The following MAGI1 variants were observed in gnomAD, a reference collection of about 807,000 sequenced individuals.
MAGI1 encodes membrane associated guanylate kinase, WW and PDZ domain containing 1.
In MAGI1, 58 loss-of-function variants were observed where a neutral mutation model predicts 139.9. The observed-to-expected ratio is 0.41, with a 90% CI of 0.34 to 0.52. The LOEUF (loss-of-function observed/expected upper bound fraction) is 0.52. Among genes scored for constraint, MAGI1 ranks in the 20% least tolerant of loss-of-function variants. The probability of loss-of-function intolerance (pLI) is 0.12; values close to 1 mark genes in which losing one functional copy is unlikely to be tolerated. For missense variants in MAGI1, 1,874 were observed against 1,901.6 expected, an observed-to-expected ratio of 0.99 and a Z score of 0.27; for synonymous variants, 812 against 737.9, an observed-to-expected ratio of 1.10 and a Z score of -1.63.
At chr3:65,782,671 T>C (rs59057825) in intron 1 of MAGI1, among the ~76,000 whole-genome samples, 62 of 147,056 alleles carry the variant, frequency 4.2e-4, no homozygotes, top group African/African-American at 1.5e-3. Flanking sequence ...TTCAACACTG[T>C]AGCTTAGGTA....
chr3:65,468,458 C>T (rs9838105), intron 5 of MAGI1, among the ~76,000 whole-genome samples: 4,098 of 149,658 alleles, frequency 0.027, 221 homozygotes, highest in African/African-American at 0.095. Flanking sequence ...TCACTGCAAC[C>T]TCCACCTCCC....
intron 1 of MAGI1, among the ~76,000 whole-genome samples, chr3:65,729,751 G>A (rs2033998715): frequency 6.6e-6 from 1 of 152,186 alleles, no homozygotes; most frequent in African/African-American, 2.4e-5. Flanking sequence ...CATAACCAGA[G>A]TCTCCCAAGA....
rs2066077935 is a variant in MAGI1, at chr3:65,989,900, G to C, written c.313+48096C>G. 1.3e-5 allele frequency among the ~76,000 whole-genome samples: 2 copies of C among 152,178 alleles called. 1 individual carries two copies. The highest frequency in any genetic ancestry group is 4.1e-4 in the South Asian group (2 of 4,824). On this transcript the variant is annotated intron_variant, in intron 1 of 22. Coordinates refer to ENST00000402939, the MANE Select transcript of MAGI1 (RefSeq NM_001033057.2). ...TCATTTTACTGAATATTTGGGGAAA[G>C]TTAGCTGTCATATAAAACCTATGAT...
intron 22 of MAGI1, 34 bp downstream of exon 22, chr3:65,361,164 AG>A (rs1487927156): frequency 1.9e-6 from 3 of 1,614,014 alleles, no homozygotes; most frequent in Non-Finnish European, 1.7e-6. Context: ...GAGTCATGCC[AG>A]GGAAGGAAGG....
intron 1 of MAGI1, among the ~76,000 whole-genome samples, chr3:65,932,055 A>G (rs13353441): frequency 5.3e-5 from 8 of 152,204 alleles, no homozygotes; most frequent in Admixed American, 2.6e-4. Flanking sequence ...GAAACAGGGG[A>G]AAAAATCGTA....
intron 2 of MAGI1, among the ~76,000 whole-genome samples, chr3:65,507,883 G>T (rs951284309): frequency 1.4e-5 from 2 of 140,236 alleles, no homozygotes; most frequent in African/African-American, 5.2e-5. Context: ...AAATTAGGTA[G>T]CTTTTAGAGG....
intron 1 of MAGI1, among the ~76,000 whole-genome samples, chr3:65,950,971 GGAAGGAA>G (rs2063813594): frequency 2.1e-4 from 3 of 14,018 alleles, no homozygotes; most frequent in African/African-American, 6.0e-4. Flanking sequence ...AAGGAAGGAA[GGAAGGAA>G]GGAAGGAAGG....
At chr3:65,991,826 C>T (rs1486686620) in intron 1 of MAGI1, among the ~76,000 whole-genome samples, 1 of 151,978 alleles carries the variant, frequency 6.6e-6, no homozygotes, top group East Asian at 1.9e-4. Flanking sequence ...ACCAGCCTGG[C>T]CAACATGGTG....
chr3:65,868,731 T>G (rs943929494), intron 1 of MAGI1, among the ~76,000 whole-genome samples: 1 of 152,114 alleles, frequency 6.6e-6, no homozygotes, highest in Non-Finnish European at 1.5e-5. Flanking sequence ...CAAGAACCAT[T>G]CCTACATGAC....
intron 1 of MAGI1, among the ~76,000 whole-genome samples, chr3:65,824,339 T>G (rs886792148): frequency 6.6e-6 from 1 of 152,178 alleles, no homozygotes; most frequent in Non-Finnish European, 1.5e-5. Context: ...ACATCTGGCC[T>G]GCTTTCCAAT....
intron 12 of MAGI1, among the ~76,000 whole-genome samples, chr3:65,424,259 T>A (rs1383192582): frequency 3.9e-5 from 6 of 152,156 alleles, no homozygotes; most frequent in African/African-American, 1.4e-4. Flanking sequence ...TAACTCTCAT[T>A]ATCATTTTTC....
intron 22 of MAGI1, chr3:65,360,827 A>C: frequency 1.8e-6 from 2 of 1,085,292 alleles, no homozygotes; most frequent in Non-Finnish European, 2.2e-6. Flanking sequence ...CACTCAGGAA[A>C]CCTGCTTTCC....
intron 2 of MAGI1, among the ~76,000 whole-genome samples, chr3:65,524,729 C>T (rs1006730863): frequency 3.3e-5 from 5 of 152,110 alleles, no homozygotes; most frequent in Non-Finnish European, 4.4e-5. Flanking sequence ...AATGATAGAT[C>T]GCAACAGGTG....
intron 1 of MAGI1, among the ~76,000 whole-genome samples, chr3:65,869,468 T>C (rs1655954662): frequency 6.7e-6 from 1 of 149,968 alleles, no homozygotes; most frequent in Admixed American, 6.6e-5. Flanking sequence ...TGGCGTGATC[T>C]CCACTCACTG....
At chr3:65,493,733 A>T (rs1368150878) in intron 2 of MAGI1, 102 bp from the exon 3 acceptor site, 2 of 1,349,490 alleles carry the variant, frequency 1.5e-6, no homozygotes. Flanking sequence ...AAGAGGGCGT[A>T]CCTAAGACTC....
chr3:65,376,072 T>C lies in MAGI1; in HGVS notation c.2996-127A>G. Reference sequence around the variant, plus strand: ...AAATTAAAGCATTAAGCAAATGTTATTAAAGGAGAGCTCTGCACCGATGGT... The same window carrying C: ...AAATTAAAGCATTAAGCAAATGTTACTAAAGGAGAGCTCTGCACCGATGGT... On this transcript the variant is annotated intron_variant, in intron 17 of 22. Coordinates refer to ENST00000402939, the MANE Select transcript of MAGI1 (RefSeq NM_001033057.2). 5 of 691,944 alleles carry C rather than the reference T, an allele frequency of 7.2e-6. No homozygotes were observed. In the South Asian group the frequency reaches 9.4e-5, roughly 13 times the overall value. 42.9% of individuals were successfully genotyped at this position (691,944 alleles called of 1,614,324 possible).
chr3:65,824,893 G>A (rs1451405459), intron 1 of MAGI1, among the ~76,000 whole-genome samples: 1 of 152,108 alleles, frequency 6.6e-6, no homozygotes, highest in Non-Finnish European at 1.5e-5. Context: ...GCATCTGTGG[G>A]AATATTTTAA....
intron 1 of MAGI1, among the ~76,000 whole-genome samples, chr3:65,997,005 A>G (rs769303662): frequency 6.6e-6 from 1 of 152,126 alleles, no homozygotes; most frequent in Non-Finnish European, 1.5e-5. Context: ...CAGACTGCTG[A>G]TTTTCTCAAT....
rs76922278 is a variant in MAGI1 at position 65,691,719 on chromosome 3, A to T, written c.314-69631T>A. Among the ~76,000 whole-genome samples, 902 of 152,306 alleles carry T rather than the reference A, an allele frequency of 5.9e-3. 5 individuals carry two copies. The highest frequency in any genetic ancestry group is 0.02 in the African/African-American group (844 of 41,566). ...ATTTAAATCTCACTACCTCAGCGTG[A>T]ATCAAAATAATATAGTTCCAGAAGT... is the stretch of plus-strand genomic sequence containing the variant. On this transcript the variant is annotated intron_variant, in intron 1 of 22. Transcript: ENST00000402939.
Sources: gnomAD v4.1 joint callset for allele counts (sites outside exome capture counted in the v4.1 genomes callset) on GRCh38, gnomAD v4.1.1 for gene constraint, MANE v1.5 for transcripts, NCBI Gene and HGNC (gene_info 2026-07-23, HGNC 2026-07-21) for gene names.